The following DLG1 variants were observed in gnomAD, a reference collection of about 807,000 sequenced individuals.
DLG1 encodes the protein disks large homolog 1.
In DLG1, 42 loss-of-function variants were observed where a neutral mutation model predicts 123.4. The observed-to-expected ratio is 0.34, with a 90% CI of 0.27 to 0.44. The LOEUF (loss-of-function observed/expected upper bound fraction) is 0.44. Among genes scored for constraint, DLG1 ranks in the 20% least tolerant of loss-of-function variants. The pLI is 1.00. For missense variants in DLG1, 942 were observed against 1,082.6 expected (o/e 0.87, Z 1.82); for synonymous variants, 317 against 356.2 (o/e 0.89, Z 1.24).
intron 6 of DLG1, among the ~76,000 whole-genome samples, chr3:197,148,557 A>C (rs144386779): frequency 7.2e-5 from 11 of 152,300 alleles, no homozygotes; most frequent in African/African-American, 2.6e-4. Flanking sequence ...CTGATTTTCT[A>C]TATGGTTGCC....
At chr3:197,092,785 G>T (rs915435760) in intron 14 of DLG1, among the ~76,000 whole-genome samples, 1 of 152,184 alleles carries the variant, frequency 6.6e-6, no homozygotes, top group African/African-American at 2.4e-5. Flanking sequence ...TCACAAGTGT[G>T]AGCCACTGTA....
chr3:197,145,189 T>C (rs1398432406), intron 6 of DLG1, among the ~76,000 whole-genome samples: 1 of 152,298 alleles, frequency 6.6e-6, no homozygotes, highest in South Asian at 2.1e-4. Context: ...AAGTCCTTTG[T>C]TACGAGTAAA....
intron 14 of DLG1, among the ~76,000 whole-genome samples, chr3:197,096,208 A>T (rs529221035): frequency 1.3e-3 from 193 of 152,158 alleles, no homozygotes; most frequent in African/African-American, 4.4e-3. Flanking sequence ...CTTCAAACCA[A>T]CTTCTTCAGT....
chr3:197,140,885 C>T (rs1318893099), intron 7 of DLG1, among the ~76,000 whole-genome samples: 3 of 152,164 alleles, frequency 2.0e-5, no homozygotes, highest in Non-Finnish European at 4.4e-5. Flanking sequence ...GAGAACTTAA[C>T]ATTGGTGAAT....
intron 4 of DLG1, among the ~76,000 whole-genome samples, chr3:197,227,805 C>T (rs1026664332): frequency 1.3e-5 from 2 of 152,162 alleles, no homozygotes; most frequent in African/African-American, 4.8e-5. Flanking sequence ...ATTTCTAAAA[C>T]AGTAAAGGAA....
intron 14 of DLG1, among the ~76,000 whole-genome samples, chr3:197,095,368 AT>A: frequency 6.6e-6 from 1 of 151,922 alleles, no homozygotes; most frequent in African/African-American, 2.4e-5. Context: ...CATTTGTTGC[AT>A]TTAGTTGTCA....
chr3:197,144,492 T>C (rs1258239847), intron 6 of DLG1, among the ~76,000 whole-genome samples: 1 of 152,152 alleles, frequency 6.6e-6, no homozygotes, highest in East Asian at 1.9e-4. Context: ...AGCCATCCAA[T>C]TCATTATGAG....
At chr3:197,228,857 TA>T (rs1741340385) in intron 4 of DLG1, among the ~76,000 whole-genome samples, 1 of 152,210 alleles carries the variant, frequency 6.6e-6, no homozygotes, top group South Asian at 2.1e-4. Flanking sequence ...TAATAATTAC[TA>T]CTAGTCAGGC....
At chr3:197,152,059 G>A (rs1355949039) in intron 5 of DLG1, among the ~76,000 whole-genome samples, 13 of 152,220 alleles carry the variant, frequency 8.5e-5, no homozygotes, top group South Asian at 8.3e-4. Flanking sequence ...AACAGAATAA[G>A]CATTTCTATA....
chr3:197,106,808 C>A (rs148989324), intron 13 of DLG1, among the ~76,000 whole-genome samples: 3 of 152,084 alleles, frequency 2.0e-5, no homozygotes, highest in African/African-American at 7.2e-5. Context: ...GAGAGAGATA[C>A]TTGTATAAAT....
At chr3:197,287,072 T>TG (rs745404375) in intron 3 of DLG1, among the ~76,000 whole-genome samples, 8 of 151,884 alleles carry the variant, frequency 5.3e-5, no homozygotes, top group Admixed American at 2.0e-4. Flanking sequence ...GGTCTTACTA[T>TG]GTTGCCCAGG....
chr3:197,196,452 AAC>A (rs1577918787), intron 4 of DLG1, among the ~76,000 whole-genome samples: 1 of 152,208 alleles, frequency 6.6e-6, no homozygotes, highest in Non-Finnish European at 1.5e-5. Context: ...TAGAAAACCT[AAC>A]ACAGTTTACA....
intron 4 of DLG1, among the ~76,000 whole-genome samples, chr3:197,258,981 G>A (rs1178411681): frequency 1.3e-5 from 2 of 151,848 alleles, no homozygotes; most frequent in African/African-American, 2.4e-5. Flanking sequence ...AAGCAAAATA[G>A]ACCCTCTTTT....
chr3:197,271,575 G>A (rs1264125953), intron 4 of DLG1, among the ~76,000 whole-genome samples: 1 of 152,078 alleles, frequency 6.6e-6, no homozygotes, highest in African/African-American at 2.4e-5. Context: ...AATGGCATGT[G>A]TACTGACACC....
chr3:197,228,967 G>A (rs1034167371), intron 4 of DLG1, among the ~76,000 whole-genome samples: 3 of 152,106 alleles, frequency 2.0e-5, no homozygotes, highest in African/African-American at 7.2e-5. Flanking sequence ...AGAGACAAAG[G>A]TTGTTCAAGA....
chr3:197,252,458 G>A (rs1163338119), intron 4 of DLG1, among the ~76,000 whole-genome samples: 1 of 152,182 alleles, frequency 6.6e-6, no homozygotes, highest in East Asian at 1.9e-4. Context: ...TTGAGGACAT[G>A]ATGCTGAGTG....
At chr3:197,289,706 A>AAATCTACTCAAGCACAAATACTCT (rs1375093659) in intron 3 of DLG1, among the ~76,000 whole-genome samples, 2 of 152,238 alleles carry the variant, frequency 1.3e-5, no homozygotes, top group Non-Finnish European at 2.9e-5. Context: ...CACAATAGTC[A>AAATCTACTCAAGCACAAATACTCT]AATCTACTCA....
intron 18 of DLG1, among the ~76,000 whole-genome samples, chr3:197,074,322 C>A (rs569836121): frequency 6.6e-6 from 1 of 152,036 alleles, no homozygotes; most frequent in African/African-American, 2.4e-5. Context: ...TTCTGAATAA[C>A]GTCGTCTGAT....
chr3:197,200,168 T>C (rs906501206), intron 4 of DLG1, among the ~76,000 whole-genome samples: 5 of 152,166 alleles, frequency 3.3e-5, no homozygotes, highest in Admixed American at 3.3e-4. Flanking sequence ...CCTGAATCTA[T>C]TAGAAAATCC....
Sources: gnomAD v4.1 joint callset for allele counts (sites outside exome capture counted in the v4.1 genomes callset) on GRCh38, gnomAD v4.1.1 for gene constraint, MANE v1.5 for transcripts, NCBI Gene and HGNC (gene_info 2026-07-23, HGNC 2026-07-21) for gene names.